Variants in BEGAIN observed in about 807,000 individuals in gnomAD.
BEGAIN encodes brain enriched guanylate kinase associated.
In BEGAIN, 19 loss-of-function variants were observed where a neutral mutation model predicts 35.8. The observed-to-expected ratio is 0.53, with a 90% CI of 0.37 to 0.78. The LOEUF (loss-of-function observed/expected upper bound fraction) is 0.78. BEGAIN is among the 30% of genes least tolerant of loss of function. BEGAIN has a pLI of 0.00. For synonymous variants in BEGAIN, 462 were observed against 388.6 expected (o/e 1.19, Z -2.22); for missense variants, 795 against 853.6 (o/e 0.93, Z 0.85).
intron 2 of BEGAIN, among the ~76,000 whole-genome samples, chr14:100,553,032 T>G (rs1300052214): frequency 2.0e-5 from 3 of 152,152 alleles, no homozygotes; most frequent in African/African-American, 7.2e-5. Flanking sequence ...TACAGGAGAC[T>G]GGGCAGGTTT....
intron 1 of BEGAIN, among the ~76,000 whole-genome samples, chr14:100,578,362 C>T (rs768939252): frequency 1.2e-4 from 19 of 152,220 alleles, no homozygotes; most frequent in African/African-American, 2.4e-4. Flanking sequence ...CAGATGGCCA[C>T]GGTGGCCACC....
intron 2 of BEGAIN, 21 bp from the exon 3 acceptor site, chr14:100,546,683 C>T (rs749909643): frequency 5.2e-6 from 8 of 1,534,424 alleles, no homozygotes; most frequent in Admixed American, 1.9e-5. Context: ...ATGGCGGCGG[C>T]GGGCCGGGCC....
At position 100,568,027 on chromosome 14, in the gene BEGAIN, C is replaced by CGGGCAACCCCGCG; in HGVS notation, c.43-101_43-89dup. The CGGGCAACCCCGCG allele has an allele frequency of 8.3e-7, 1 of 1,209,260 alleles. No individual in the cohort carries two copies. The allele number at this position is 1,209,260 out of a possible 1,614,324, so 74.9% of individuals were successfully genotyped here. A position where few individuals can be genotyped will look rare whatever the true frequency, so the allele number is the denominator to read the frequency against. On this transcript the variant is annotated intron_variant, in intron 1 of 6. Coordinates refer to ENST00000554140, the MANE Select transcript of BEGAIN (RefSeq NM_001385089.1). This position sits in a 1 kb window ranked among gnomAD's most constrained non-coding sequence, Gnocchi z 7.5. ...CAGAGCCGGGCACAGCGGGCACGGCCGGGCAACCCCGCGGGGCCCCGTCCG... is the reference window on the plus strand; with the variant it reads ...CAGAGCCGGGCACAGCGGGCACGGCCGGGCAACCCCGCGGGGCAACCCCGCGGGGCCCCGTCCG...
rs1244392059 is a variant in BEGAIN at position 100,538,514 on chromosome 14, C to T, written c.1294G>A (p.Asp432Asn). 3 of 1,526,476 alleles carry T rather than the reference C, an allele frequency of 2.0e-6. No homozygotes were observed. The highest frequency in any genetic ancestry group is 1.8e-6 in the Non-Finnish European group (2 of 1,140,860). 94.6% of individuals were successfully genotyped at this position (1,526,476 alleles called of 1,614,324 possible). The change falls in exon 7 of 7, where the codon GAC (aspartate) becomes AAC (asparagine). Residue 432 changes from aspartate to asparagine, a missense_variant. Asp to Asn is a conservative substitution (Grantham distance 23). Around this residue, in one of 3 missense-constraint regions of BEGAIN, gnomAD observed 664 missense variants for 647.7 expected, o/e 1.03. Coordinates refer to ENST00000554140, the MANE Select transcript of BEGAIN (RefSeq NM_001385089.1). ...KPGTARLPGEDMRGQWRPLSV... is the reference protein window; with the variant it reads ...KPGTARLPGENMRGQWRPLSV... ...AGGGGACGCCACTGGCCCCTCATGT[C>T]CTCCCCGGGGAGCCGGGCGGTCCCC...
chr14:100,572,664 C>T (rs1407682227), intron 1 of BEGAIN, among the ~76,000 whole-genome samples: 1 of 152,140 alleles, frequency 6.6e-6, no homozygotes, highest in African/African-American at 2.4e-5. Flanking sequence ...GCTGTGGGAC[C>T]TTGGGCAGGG....
At chr14:100,546,274 G>T in intron 3 of BEGAIN, 1 of 270,010 alleles carries the variant, frequency 3.7e-6, no homozygotes, top group East Asian at 4.8e-5. Flanking sequence ...CCATCTGAGT[G>T]GAGTCAACAG....
Position 100,568,951 on chromosome 14 carries a change from C to A in BEGAIN, c.43-1012G>T. 3 of 983,418 alleles carry A rather than the reference C, an allele frequency of 3.1e-6. No individual in the cohort carries two copies. Among genetic ancestry groups the A allele is most frequent in the Non-Finnish European group, 3.6e-6 (3 of 829,312 alleles). 60.9% of individuals were successfully genotyped at this position (983,418 alleles called of 1,614,324 possible). A position where few individuals can be genotyped will look rare whatever the true frequency, so the allele number is the denominator to read the frequency against. ...GGCCCCTCGCGCCGGGCGCCGCCGC[C>A]GCGTCCGCCGGGAGCGCGCTCCGCT... On this transcript the variant is annotated intron_variant, in intron 1 of 6. Transcript: ENST00000554140. The surrounding 1 kb of genome is among the most constrained non-coding windows in gnomAD (Gnocchi z 7.5).
At chr14:100,577,352 G>A (rs866333490) in intron 1 of BEGAIN, 9 of 399,008 alleles carry the variant, frequency 2.3e-5, no homozygotes, top group Admixed American at 4.4e-5. Context: ...CGGCCTCCAC[G>A]CTTGCCACTG....
rs2034475841 is a variant in BEGAIN, at chr14:100,563,870, G to A, written c.71+4041C>T. ...CTGGTAGCTCCACCTACCACCACAA[G>A]GGACCCTCACAAACAGAATAGTTTT... is the stretch of plus-strand genomic sequence containing the variant. On this transcript the variant is annotated intron_variant, in intron 2 of 6. Transcript: ENST00000554140. The surrounding 1 kb of genome is among the most constrained non-coding windows in gnomAD (Gnocchi z 4.2). 6.6e-6 allele frequency among the ~76,000 whole-genome samples: 1 copy of A among 152,122 alleles called. No homozygotes were observed. Among genetic ancestry groups the A allele is most frequent in the African/African-American group, 2.4e-5 (1 of 41,412 alleles).
At chr14:100,547,801 C>G (rs1195715755) in intron 2 of BEGAIN, 1 of 152,246 alleles carries the variant, frequency 6.6e-6, no homozygotes, top group African/African-American at 2.4e-5. Flanking sequence ...GGACCTTGGG[C>G]AAAAGCCCGC....
chr14:100,548,510 C>G (rs1368694097), intron 2 of BEGAIN: 1 of 152,616 alleles, frequency 6.6e-6, no homozygotes, highest in Non-Finnish European at 1.5e-5. Flanking sequence ...CACCCCTTCT[C>G]CAGCCACACC....
In BEGAIN at chr14:100,538,571, G is replaced by C; in HGVS notation, c.1237C>G (p.Pro413Ala). Reference sequence around the variant, plus strand: ...GCCCGCAGGCTCCACAGGTTTGGGGGCATCAGGGCCTGCTGGGGACCCGGA... The same window carrying C: ...GCCCGCAGGCTCCACAGGTTTGGGGCCATCAGGGCCTGCTGGGGACCCGGA... ...ASPGPQQALMPPNLWSLRAKP... is the reference protein window; with the variant it reads ...ASPGPQQALMAPNLWSLRAKP... The change falls in exon 7 of 7, where the codon CCC becomes GCC. Residue 413 changes from proline (P) to alanine (A), a missense_variant. Transcript: ENST00000554140. 3.9e-6 allele frequency: 6 copies of C among 1,544,664 alleles called. No homozygotes were observed. The highest frequency in any genetic ancestry group is 4.4e-6 in the Non-Finnish European group (5 of 1,145,068).
At chr14:100,560,902 C>T (rs992212585) in intron 2 of BEGAIN, among the ~76,000 whole-genome samples, 1 of 152,194 alleles carries the variant, frequency 6.6e-6, no homozygotes, top group African/African-American at 2.4e-5. Context: ...GTGGGTCCAT[C>T]AGGGGATGGA....
chr14:100,541,050 C>T (rs1393496494), intron 5 of BEGAIN, among the ~76,000 whole-genome samples: 1 of 152,248 alleles, frequency 6.6e-6, no homozygotes, highest in Non-Finnish European at 1.5e-5. Context: ...TTCAGACTTG[C>T]TGCTCACAAC....
Position 100,565,229 on chromosome 14 carries a change from G to A in BEGAIN, c.71+2682C>T, listed in dbSNP as rs557551251. On this transcript the variant is annotated intron_variant, in intron 2 of 6. Coordinates refer to ENST00000554140, the MANE Select transcript of BEGAIN (RefSeq NM_001385089.1). ...GTCATGAAAACCCCAGGGAAAAGGC[G>A]ACAGGGAAGACACAGAGTTTGTCAT... is the stretch of plus-strand genomic sequence containing the variant. 3.3e-5 allele frequency among the ~76,000 whole-genome samples: 5 copies of A among 152,318 alleles called. No individual in the cohort carries two copies. The South Asian group carries it at 1.0e-3, about 32-fold the overall frequency.
At chr14:100,541,088 A>T (rs11849369) in intron 5 of BEGAIN, among the ~76,000 whole-genome samples, 56 of 152,348 alleles carry the variant, frequency 3.7e-4, no homozygotes, top group African/African-American at 1.2e-3. Context: ...GTTTGGAAAC[A>T]GTGTGGCTGC....
chr14:100,554,793 T>C (rs1213443728), intron 2 of BEGAIN, among the ~76,000 whole-genome samples: 1 of 151,978 alleles, frequency 6.6e-6, no homozygotes, highest in Non-Finnish European at 1.5e-5. Flanking sequence ...CCCCAACTCC[T>C]CTCTGTACCA....
Position 100,567,873 on chromosome 14 carries a change from GC to G in BEGAIN, c.71+37del, listed in dbSNP as rs1246026683. 1.0e-5 allele frequency: 15 copies of G among 1,460,068 alleles called. No individual in the cohort carries two copies. Among genetic ancestry groups the G allele is most frequent in the Admixed American group, 4.5e-5 (2 of 44,214 alleles). 90.4% of individuals were successfully genotyped at this position (1,460,068 alleles called of 1,614,324 possible). On this transcript the variant is annotated intron_variant, in intron 2 of 6. Coordinates refer to ENST00000554140, the MANE Select transcript of BEGAIN (RefSeq NM_001385089.1). This position sits in a 1 kb window ranked among gnomAD's most constrained non-coding sequence, Gnocchi z 5.1. ...CCCCAGCGCCCTCACCCCCGACCCG[GC>G]CCCCGCGAGCCGCGGCACGGGAGAC...
At chr14:100,585,415 CCCA>C (rs2035421535) in intron 1 of BEGAIN, among the ~76,000 whole-genome samples, 3 of 66,050 alleles carry the variant, frequency 4.5e-5, no homozygotes, top group Non-Finnish European at 8.8e-5. Context: ...CTCCCTCCCT[CCCA>C]TCCATCCATC....
Sources: gnomAD v4.1 joint callset for allele counts (sites outside exome capture counted in the v4.1 genomes callset) on GRCh38, gnomAD v4.1.1 for gene constraint, gnomAD v4.1.1 regional missense constraint, Gnocchi (gnomAD v3.1) non-coding constraint, MANE v1.5 for transcripts, NCBI Gene and HGNC (gene_info 2026-07-23, HGNC 2026-07-21) for gene names.